Variants in RETREG3 observed in about 807,000 individuals in gnomAD.
RETREG3 encodes the protein reticulophagy regulator 3.
Under a neutral mutation model 50.2 loss-of-function variants are expected in RETREG3, and 23 were observed. The ratio of observed to expected loss-of-function variants is 0.46; its 90% CI spans 0.33 to 0.65. The LOEUF (loss-of-function observed/expected upper bound fraction) is 0.65, where lower values mean the gene tolerates loss of function less well. RETREG3 is among the 30% of genes least tolerant of loss of function. RETREG3 has a pLI of 0.02. For synonymous variants in RETREG3, 240 were observed against 234.4 expected (o/e 1.02, Z -0.22); for missense variants, 546 against 598.0 (o/e 0.91, Z 0.91).
In RETREG3 at chr17:42,582,782, C is replaced by G; in HGVS notation, c.835G>C (p.Glu279Gln). The stretch of plus-strand genomic sequence containing the variant: ...TGCTCAGAGTCTGTGATGGCCAATT[C>G]CCTGGCAACAGTAGAATCGTCCAGC... ...PQLDDSTVAR[E>Q]LAITDSEHSD... Residue 279 changes from glutamate (E) to glutamine (Q), a missense_variant, in exon 8 of 9, where the codon GAA (glutamate) becomes CAA (glutamine). Glu to Gln is a conservative substitution (Grantham distance 29). Coordinates refer to ENST00000309428, the MANE Select transcript of RETREG3 (RefSeq NM_178126.4). The G allele has an allele frequency of 6.2e-7, 1 of 1,614,190 alleles. No individual in the cohort carries two copies. The highest frequency in any genetic ancestry group is 1.1e-5 in the South Asian group (1 of 91,088).
At chr17:42,583,020 G>C (rs566619685) in intron 7 of RETREG3, among the ~76,000 whole-genome samples, 21 of 151,692 alleles carry the variant, frequency 1.4e-4, no homozygotes, top group Admixed American at 7.2e-4. Context: ...AAAAAATCTT[G>C]ACCCCTTTTA....
At chr17:42,586,421 G>A (rs964506890) in intron 4 of RETREG3, 1 of 427,136 alleles carries the variant, frequency 2.3e-6, no homozygotes, top group Non-Finnish European at 4.2e-6. Flanking sequence ...AATGTTGGTG[G>A]TGGTTTTTTA....
chr17:42,586,617 A>G (rs925271764), intron 4 of RETREG3, 148 bp downstream of exon 4: 6 of 1,144,716 alleles, frequency 5.2e-6, no homozygotes, highest in Non-Finnish European at 6.0e-6. Flanking sequence ...GGCTGGTCAG[A>G]AGGCCTTTCC....
Position 42,587,985 on chromosome 17 carries a change from G to A in RETREG3, c.347-121C>T, listed in dbSNP as rs574984090. The A allele has an allele frequency of 4.6e-5, 49 of 1,053,990 alleles. No individual in the cohort carries two copies. The South Asian group carries it at 4.9e-4, about 11-fold the overall frequency. 65.3% of individuals were successfully genotyped at this position (1,053,990 alleles called of 1,614,324 possible). ...TGGGGAAAAGAAAACAGTAATAGCC[G>A]ATAAAAAAGGAGACACTGTGTTATA... is the stretch of plus-strand genomic sequence containing the variant. On this transcript the variant is annotated intron_variant, in intron 2 of 8. Transcript: ENST00000309428.
chr17:42,583,336 A>G (rs186889779), intron 7 of RETREG3, among the ~76,000 whole-genome samples, 162 bp downstream of exon 7: 199 of 152,286 alleles, frequency 1.3e-3, no homozygotes, highest in African/African-American at 4.7e-3. Context: ...TGATAAAGAA[A>G]AAAATTGAGA....
intron 1 of RETREG3, among the ~76,000 whole-genome samples, chr17:42,603,606 G>T (rs1407168146): frequency 6.6e-6 from 1 of 152,110 alleles, no homozygotes; most frequent in African/African-American, 2.4e-5. Context: ...GGCATCCTTG[G>T]GAGTCTTCTC....
At position 42,582,081 on chromosome 17, in the gene RETREG3, G is replaced by A. The variant is rs772750560; in HGVS notation, c.1133C>T (p.Ala378Val). 20 of 1,613,986 alleles carry A rather than the reference G, an allele frequency of 1.2e-5. No individual in the cohort carries two copies. The highest frequency in any genetic ancestry group is 6.6e-5 in the South Asian group (6 of 91,076). Reference sequence around the variant, plus strand: ...AGCACCAAGCAGGAGCTCCGGCAGCGCAGCCTCGTCCCGGCTGGCAGGTGG... The same window carrying A: ...AGCACCAAGCAGGAGCTCCGGCAGCACAGCCTCGTCCCGGCTGGCAGGTGG... ...QAPPASRDEA[A>V]LPELLLGALP... The change falls in exon 9 of 9, where the codon GCG becomes GTG. Residue 378 changes from alanine to valine, a missense_variant. Physicochemically the swap from Ala to Val is moderately conservative, Grantham distance 64. Transcript: ENST00000309428.
intron 1 of RETREG3, among the ~76,000 whole-genome samples, chr17:42,597,659 T>G (rs1233148459): frequency 8.5e-6 from 1 of 117,040 alleles, no homozygotes; most frequent in African/African-American, 3.3e-5. Flanking sequence ...AGACAGAGTC[T>G]CACTCTGTCA....
intron 1 of RETREG3, among the ~76,000 whole-genome samples, chr17:42,594,360 A>G (rs951826990): frequency 5.9e-5 from 9 of 152,142 alleles, no homozygotes; most frequent in African/African-American, 2.2e-4. Context: ...GTTCAAAACC[A>G]GCCTGGACAA....
intron 1 of RETREG3, among the ~76,000 whole-genome samples, chr17:42,602,695 A>C (rs1033776072): frequency 2.6e-5 from 4 of 151,864 alleles, no homozygotes; most frequent in African/African-American, 9.7e-5. Flanking sequence ...TAATCCCAGC[A>C]CTTTGGGAGG....
In RETREG3 at chr17:42,581,533, CCTGA is replaced by C. The variant is rs745727045; in HGVS notation, c.*276_*279del. Reference sequence around the variant, plus strand: ...ACCTCCTCAAAGGGGAACCAATATCCCTGACTATTTTGTTCCCCCAAAGTACCAT... The same window carrying C: ...ACCTCCTCAAAGGGGAACCAATATCCCTATTTTGTTCCCCCAAAGTACCAT... On this transcript the variant is annotated 3_prime_UTR_variant, in exon 9 of 9. Transcript: ENST00000309428. The C allele has an allele frequency of 1.1e-5, 4 of 374,132 alleles. No homozygotes were observed. The East Asian group carries it at 1.8e-4, about 17-fold the overall frequency. The allele number at this position is 374,132 out of a possible 1,614,324, so 23.2% of individuals were successfully genotyped here.
chr17:42,599,126 G>A (rs1343276932), intron 1 of RETREG3: 4 of 152,098 alleles, frequency 2.6e-5, no homozygotes, highest in African/African-American at 7.2e-5. Context: ...AGAAAACAGC[G>A]ATGCCATGTG....
Position 42,592,146 on chromosome 17 carries a change from A to C in RETREG3, c.256T>G (p.Ser86Ala). ...GCAAGTAAAAACACAAGACGAAGAG[A>C]TGTCAGGGCAAAAAACCTACAGAGG... ...NAAFWFFALT[S>A]LRLVFLLAFG... Residue 86 changes from serine to alanine, a missense_variant, in exon 2 of 9, where the codon TCT (serine) becomes GCT (alanine). Coordinates refer to ENST00000309428, the MANE Select transcript of RETREG3 (RefSeq NM_178126.4). The C allele has an allele frequency of 6.2e-7, 1 of 1,613,666 alleles. No individual in the cohort carries two copies.
intron 1 of RETREG3, among the ~76,000 whole-genome samples, chr17:42,597,195 T>TTA (rs1442247926): frequency 1.3e-5 from 2 of 149,730 alleles, no homozygotes; most frequent in Non-Finnish European, 3.0e-5. Flanking sequence ...TTTTTTCTTT[T>TTA]TTTTTTTTTT....
At chr17:42,596,307 C>T (rs1320223507) in intron 1 of RETREG3, among the ~76,000 whole-genome samples, 10 of 123,750 alleles carry the variant, frequency 8.1e-5, no homozygotes, top group East Asian at 2.6e-4. Context: ...CCCAGTGAGC[C>T]GTGGTTGTGC....
At chr17:42,582,311 G>A in intron 8 of RETREG3, 41 bp from the exon 9 acceptor site, 1 of 1,555,220 alleles carries the variant, frequency 6.4e-7, no homozygotes, top group Non-Finnish European at 8.7e-7. Context: ...GCACCTACCT[G>A]GCCCTCCTGT....
chr17:42,594,212 A>C (rs1194629820), intron 1 of RETREG3, among the ~76,000 whole-genome samples: 4 of 152,188 alleles, frequency 2.6e-5, no homozygotes, highest in African/African-American at 9.6e-5. Flanking sequence ...TATTGGAGCC[A>C]ATATGAAAAT....
rs1473440087 is a variant in RETREG3, at chr17:42,582,098, G to A, written c.1116C>T (p.Ala372=). Residue 372 remains alanine (A), a synonymous_variant, in exon 9 of 9, where the codon GCC becomes GCT. Coordinates refer to ENST00000309428, the MANE Select transcript of RETREG3 (RefSeq NM_178126.4). ...PGAEEPQAPP[A]SRDEAALPEL... ...CCGGCAGCGCAGCCTCGTCCCGGCT[G>A]GCAGGTGGGGCCTGGGGCTCCTCAG... The A allele has an allele frequency of 1.2e-6, 2 of 1,614,012 alleles. No individual in the cohort carries two copies. The highest frequency in any genetic ancestry group is 2.7e-5 in the African/African-American group (2 of 74,908).
rs1478215063 is a variant in RETREG3 at position 42,581,427 on chromosome 17, G to A, written c.*386C>T. On this transcript the variant is annotated 3_prime_UTR_variant, in exon 9 of 9. Transcript: ENST00000309428. ...GCTGCCTGACTTTGGGGGCTCTAGA[G>A]AGGCGATGAAAGGAGGAAGGCAGGC... The A allele has an allele frequency of 1.7e-5, 3 of 176,594 alleles. No individual in the cohort carries two copies. The highest frequency in any genetic ancestry group is 1.6e-4 in the East Asian group (1 of 6,430). 10.9% of individuals were successfully genotyped at this position (176,594 alleles called of 1,614,324 possible).
Sources: gnomAD v4.1 joint callset for allele counts (sites outside exome capture counted in the v4.1 genomes callset) on GRCh38, gnomAD v4.1.1 for gene constraint, MANE v1.5 for transcripts, NCBI Gene and HGNC (gene_info 2026-07-23, HGNC 2026-07-21) for gene names.